Variants in PRDM5 observed in about 807,000 individuals in gnomAD.
The protein encoded by PRDM5 is PR domain zinc finger protein 5.
A neutral mutation model predicts 81.2 loss-of-function variants in PRDM5; 56 were observed. The observed-to-expected ratio is 0.69, with a 90% CI of 0.56 to 0.86. The LOEUF is 0.86. PRDM5 is among the 40% of genes least tolerant of loss of function. The probability of loss-of-function intolerance (pLI) is 0.00; values close to 1 mark genes in which losing one functional copy is unlikely to be tolerated. For missense variants in PRDM5, 697 were observed against 770.1 expected, an observed-to-expected ratio of 0.91 and a Z score of 1.12; for synonymous variants, 267 against 256.4, an observed-to-expected ratio of 1.04 and a Z score of -0.39.
At chr4:120,909,793 T>G (rs1009155211) in intron 1 of PRDM5, among the ~76,000 whole-genome samples, 5 of 152,090 alleles carry the variant, frequency 3.3e-5, no homozygotes, top group African/African-American at 1.2e-4. Context: ...AAATTCAGAT[T>G]AAGCAGAATG....
chr4:120,864,405 C>T (rs555848675), intron 2 of PRDM5, among the ~76,000 whole-genome samples: 1 of 152,202 alleles, frequency 6.6e-6, no homozygotes, highest in Non-Finnish European at 1.5e-5. Context: ...TGTTTTTAAT[C>T]CAAGGCAGGT....
At chr4:120,828,568 C>CA (rs1218144630) in intron 3 of PRDM5, among the ~76,000 whole-genome samples, 2 of 151,954 alleles carry the variant, frequency 1.3e-5, no homozygotes, top group Non-Finnish European at 2.9e-5. Flanking sequence ...AAATATTTTC[C>CA]AAATGAGCCT....
chr4:120,724,339 G>A (rs956738744), intron 14 of PRDM5, among the ~76,000 whole-genome samples: 1 of 152,172 alleles, frequency 6.6e-6, no homozygotes, highest in East Asian at 1.9e-4. Flanking sequence ...AATCCTGGCG[G>A]GTGGAGTAGA....
chr4:120,795,094 T>C (rs1405950660), intron 10 of PRDM5, among the ~76,000 whole-genome samples: 1 of 152,198 alleles, frequency 6.6e-6, no homozygotes, highest in Admixed American at 6.5e-5. Context: ...TAAAGTTTCA[T>C]CCCTGGAAGG....
chr4:120,896,972 C>G (rs1764697521), intron 2 of PRDM5: 1 of 151,736 alleles, frequency 6.6e-6, no homozygotes, highest in Admixed American at 6.6e-5. Context: ...CGCGAGCCAC[C>G]ATGCGCAGCC....
At chr4:120,893,338 T>G (rs184850886) in intron 2 of PRDM5, among the ~76,000 whole-genome samples, 23 of 152,320 alleles carry the variant, frequency 1.5e-4, no homozygotes, top group Non-Finnish European at 7.4e-5. Context: ...CCTGCTGCCT[T>G]GATGGATCCC....
intron 3 of PRDM5, among the ~76,000 whole-genome samples, chr4:120,830,010 A>G (rs1331240428): frequency 6.6e-6 from 1 of 152,162 alleles, no homozygotes; most frequent in Non-Finnish European, 1.5e-5. Context: ...CTCCTGAATC[A>G]GTCTTAACCT....
intron 2 of PRDM5, among the ~76,000 whole-genome samples, chr4:120,889,199 T>A (rs1763786911): frequency 6.6e-6 from 1 of 152,212 alleles, no homozygotes; most frequent in African/African-American, 2.4e-5. Flanking sequence ...ATTGCTTTCA[T>A]CTGATATGTT....
At chr4:120,730,498 AG>A (rs1472841370) in intron 14 of PRDM5, among the ~76,000 whole-genome samples, 1 of 152,242 alleles carries the variant, frequency 6.6e-6, no homozygotes, top group African/African-American at 2.4e-5. Context: ...CTTTATCCCA[AG>A]ATACCTGTGA....
chr4:120,804,151 C>T (rs1052364151), intron 8 of PRDM5, among the ~76,000 whole-genome samples: 1 of 152,206 alleles, frequency 6.6e-6, no homozygotes, highest in Non-Finnish European at 1.5e-5. Flanking sequence ...GAAGAGCTAA[C>T]TATCCTAAAT....
intron 2 of PRDM5, among the ~76,000 whole-genome samples, chr4:120,864,434 CTT>C (rs1263910864): frequency 1.3e-5 from 2 of 152,118 alleles, no homozygotes; most frequent in Non-Finnish European, 2.9e-5. Context: ...GACAGGCAAA[CTT>C]AATGTAAACA....
rs1734340040 is a variant in PRDM5, at chr4:120,694,896, T to G, written c.*215A>C. ...GCACAAGTTGCATTTTGCAAGGCTA[T>G]GGAGTTGTATTTTTTTTCCATTTAT... is the stretch of plus-strand genomic sequence containing the variant. On this transcript the variant is annotated 3_prime_UTR_variant, in exon 16 of 16. Coordinates refer to ENST00000264808, the MANE Select transcript of PRDM5 (RefSeq NM_018699.4). 2 of 562,354 alleles carry G rather than the reference T, an allele frequency of 3.6e-6. No individual in the cohort carries two copies. The highest frequency in any genetic ancestry group is 6.3e-6 in the Non-Finnish European group (2 of 316,878). 34.8% of individuals were successfully genotyped at this position (562,354 alleles called of 1,614,324 possible).
chr4:120,730,939 G>A (rs1002529549), intron 14 of PRDM5, among the ~76,000 whole-genome samples: 6 of 152,098 alleles, frequency 3.9e-5, no homozygotes, highest in African/African-American at 9.7e-5. Context: ...CCAGAGAGAC[G>A]AAGTTGTTCT....
chr4:120,800,516 CAAA>C (rs34793587), intron 8 of PRDM5, among the ~76,000 whole-genome samples: 2 of 121,910 alleles, frequency 1.6e-5, no homozygotes, highest in Admixed American at 8.0e-5. Context: ...GACTCGGTCT[CAAA>C]AAAAAAAAAA....
At chr4:120,824,703 G>A (rs1243774343) in intron 3 of PRDM5, among the ~76,000 whole-genome samples, 1 of 151,896 alleles carries the variant, frequency 6.6e-6, no homozygotes, top group Admixed American at 6.6e-5. Flanking sequence ...ACTGCACAGT[G>A]TTTGTAATAT....
intron 15 of PRDM5, among the ~76,000 whole-genome samples, chr4:120,703,959 G>A (rs752889128): frequency 5.9e-5 from 9 of 152,160 alleles, no homozygotes; most frequent in Non-Finnish European, 1.2e-4. Context: ...ATGTAAGAAA[G>A]GTTCTCAGAC....
downstream of PRDM5, among the ~76,000 whole-genome samples, chr4:120,687,173 A>T (rs1390799418): frequency 6.6e-6 from 1 of 152,004 alleles, no homozygotes; most frequent in Non-Finnish European, 1.5e-5. Flanking sequence ...CATCTTAACA[A>T]TTTTTAAGTG....
At chr4:120,783,196 C>T (rs988954002) in intron 11 of PRDM5, among the ~76,000 whole-genome samples, 7 of 151,884 alleles carry the variant, frequency 4.6e-5, no homozygotes, top group Admixed American at 2.6e-4. Flanking sequence ...AGTATTTTGT[C>T]CTCCCTATTT....
chr4:120,883,379 CTTA>C (rs1561596445), intron 2 of PRDM5, among the ~76,000 whole-genome samples: 1 of 152,054 alleles, frequency 6.6e-6, no homozygotes, highest in East Asian at 1.9e-4. Context: ...TAATGCAACT[CTTA>C]TTTTTATTTA....
Sources: gnomAD v4.1 joint callset for allele counts (sites outside exome capture counted in the v4.1 genomes callset) on GRCh38, gnomAD v4.1.1 for gene constraint, MANE v1.5 for transcripts, NCBI Gene and HGNC (gene_info 2026-07-23, HGNC 2026-07-21) for gene names.